TRIM16: variants seen among roughly 807,000 people sequenced by gnomAD.
The protein encoded by TRIM16 is tripartite motif-containing protein 16.
In TRIM16, 33 loss-of-function variants were observed where a neutral mutation model predicts 50.4. The ratio of observed to expected loss-of-function variants is 0.65; its 90% CI spans 0.50 to 0.88. The LOEUF (loss-of-function observed/expected upper bound fraction) is 0.88, where lower values mean the gene tolerates loss of function less well. Ranked by LOEUF, TRIM16 falls within the 40% of genes least tolerant of loss-of-function variation. TRIM16 has a pLI of 0.00. For missense variants in TRIM16, 581 were observed against 686.8 expected, an observed-to-expected ratio of 0.85 and a Z score of 1.72; for synonymous variants, 229 against 270.7, an observed-to-expected ratio of 0.85 and a Z score of 1.51.
Position 15,664,050 on chromosome 17 carries a change from A to G in TRIM16, c.-337-12104T>C, listed in dbSNP as rs150527503. ...TAACACTTGGTTCCGAGATCCATCT[A>G]TGAAAGCAAAACAGGTTCTAGGAGC... On this transcript the variant is annotated intron_variant, in intron 6 of 11. Coordinates refer to ENST00000649191, the MANE Select transcript of TRIM16 (RefSeq NM_001348119.1). Among the ~76,000 whole-genome samples the G allele has an allele frequency of 7.3e-4, 111 of 152,364 alleles. No individual in the cohort carries two copies. The South Asian group carries it at 8.7e-3, about 12-fold the overall frequency.
chr17:15,637,203 C>T (rs1293920723), intron 8 of TRIM16, among the ~76,000 whole-genome samples: 9 of 133,102 alleles, frequency 6.8e-5, no homozygotes, highest in Admixed American at 7.2e-5. Context: ...CCAGCCGTGC[C>T]GTCCGGGAGG....
Position 15,651,361 on chromosome 17 carries a change from GTCA to G in TRIM16, c.246_248del (p.Asp83del), listed in dbSNP as rs746827352. On this transcript the variant is annotated inframe_deletion, in exon 7 of 12. Transcript: ENST00000649191. ...ACTTCACTGCCTTCACTCTTCTGGT[GTCA>G]TCAAGGCAGAAGTCACACAGGACCT... The G allele has an allele frequency of 1.2e-6, 2 of 1,614,210 alleles. No individual in the cohort carries two copies. The highest frequency in any genetic ancestry group is 3.3e-5 in the Admixed American group (2 of 60,030).
chr17:15,663,535 A>G (rs1421256973), intron 6 of TRIM16, among the ~76,000 whole-genome samples: 1 of 152,194 alleles, frequency 6.6e-6, no homozygotes, highest in East Asian at 1.9e-4. Flanking sequence ...GCCGAGGATA[A>G]AGAAACAGAA....
intron 6 of TRIM16, among the ~76,000 whole-genome samples, chr17:15,658,443 G>C (rs1185683181): frequency 6.6e-6 from 1 of 152,120 alleles, no homozygotes; most frequent in Non-Finnish European, 1.5e-5. Flanking sequence ...GAGTCACACA[G>C]AGCTATGATT....
At chr17:15,660,412 T>C (rs4792645) in intron 6 of TRIM16, among the ~76,000 whole-genome samples, 17,267 of 152,138 alleles carry the variant, frequency 0.11, 1,729 homozygotes, top group African/African-American at 0.27. Flanking sequence ...GGACACTCAT[T>C]TGCTCAAATG....
Position 15,677,559 on chromosome 17 carries a change from A to T in TRIM16, c.-443+16T>A. On this transcript the variant is annotated intron_variant, in intron 5 of 11. Coordinates refer to ENST00000649191, the MANE Select transcript of TRIM16 (RefSeq NM_001348119.1). ...ATCCTGAAAGGTCAATCTGGGGTGG[A>T]AGGACCCAAGCTCACCCAAGGAGAC... 3 of 1,049,598 alleles carry T rather than the reference A, an allele frequency of 2.9e-6. No homozygotes were observed. The highest frequency in any genetic ancestry group is 3.5e-6 in the Non-Finnish European group (3 of 861,752). The allele number at this position is 1,049,598 out of a possible 1,614,324, so 65.0% of individuals were successfully genotyped here. A position where few individuals can be genotyped will look rare whatever the true frequency, so the allele number is the denominator to read the frequency against.
At chr17:15,648,234 AAAAAAAC>A (rs1261978885) in intron 7 of TRIM16, among the ~76,000 whole-genome samples, 33 of 149,698 alleles carry the variant, frequency 2.2e-4, no homozygotes, top group East Asian at 5.8e-4. Context: ...TCAAAAAAAA[AAAAAAAC>A]AAAAAACAAA....
intron 7 of TRIM16, among the ~76,000 whole-genome samples, chr17:15,648,960 C>T (rs1987549297): frequency 6.6e-6 from 1 of 152,160 alleles, no homozygotes; most frequent in East Asian, 1.9e-4. Context: ...TGCTTTTCAG[C>T]CCCAAACTGC....
intron 3 of TRIM16, 128 bp downstream of exon 3, chr17:15,682,726 C>G (rs1989232008): frequency 4.5e-6 from 4 of 891,348 alleles, no homozygotes; most frequent in Non-Finnish European, 4.4e-6. Flanking sequence ...TCCGACTTAT[C>G]CCCCCTTATC....
intron 6 of TRIM16, 124 bp from the exon 7 acceptor site, chr17:15,652,070 A>G: frequency 1.5e-6 from 1 of 688,954 alleles, no homozygotes; most frequent in Non-Finnish European, 1.8e-6. Flanking sequence ...CTTCAACACC[A>G]GGACAGCCAT....
chr17:15,682,914 A>T lies in TRIM16; in HGVS notation c.-739T>A, dbSNP rs948120628. 1 of 1,502,060 alleles carries T rather than the reference A, an allele frequency of 6.7e-7. No individual in the cohort carries two copies. Among genetic ancestry groups the T allele is most frequent in the African/African-American group, 1.4e-5 (1 of 71,398 alleles). 93.0% of individuals were successfully genotyped at this position (1,502,060 alleles called of 1,614,324 possible). A position where few individuals can be genotyped will look rare whatever the true frequency, so the allele number is the denominator to read the frequency against. ...AGATGAGGAAACTGTTAACTTGCCC[A>T]AGTTCTCTGTGCTGCCCACACACAT... is the stretch of plus-strand genomic sequence containing the variant. On this transcript the variant is annotated 5_prime_UTR_variant, in exon 3 of 12. It introduces an in-frame stop codon into an upstream open reading frame of the 5' UTR. Transcript: ENST00000649191.
chr17:15,635,404 T>C (rs912853704), intron 9 of TRIM16, among the ~76,000 whole-genome samples: 5 of 149,016 alleles, frequency 3.4e-5, no homozygotes, highest in East Asian at 2.0e-4. Context: ...TAATGATACA[T>C]TGTAATGAAA....
chr17:15,644,076 T>C (rs1486973119), intron 7 of TRIM16, among the ~76,000 whole-genome samples: 2 of 152,180 alleles, frequency 1.3e-5, no homozygotes, highest in East Asian at 3.9e-4. Context: ...GCAAGGGATG[T>C]GGGAGGGAAG....
At position 15,651,536 on chromosome 17, in the gene TRIM16, G is replaced by C; in HGVS notation, c.74C>G (p.Pro25Arg). ...ATCTGGGCTGGGTGACCCAGAGTCT[G>C]GGCTGAGAGGGGCTGGGGGCTGAGC... ...ATAQPPAPLS[P>R]DSGSPSPDSG... The change falls in exon 7 of 12, where the codon CCA (proline) becomes CGA (arginine). Residue 25 changes from proline (P) to arginine (R), a missense_variant. Physicochemically the swap from Pro to Arg is moderately radical, Grantham distance 103. Transcript: ENST00000649191. 6.2e-7 allele frequency: 1 copy of C among 1,613,960 alleles called. No individual in the cohort carries two copies. Among genetic ancestry groups the C allele is most frequent in the South Asian group, 1.1e-5 (1 of 91,044 alleles).
intron 6 of TRIM16, among the ~76,000 whole-genome samples, chr17:15,652,641 A>G (rs1050203216): frequency 4.0e-5 from 6 of 151,416 alleles, no homozygotes; most frequent in Non-Finnish European, 7.4e-5. Context: ...TTGTATTATT[A>G]GTAGAGACAG....
intron 6 of TRIM16, among the ~76,000 whole-genome samples, chr17:15,664,866 T>C (rs1988409084): frequency 6.6e-6 from 1 of 151,986 alleles, no homozygotes; most frequent in Non-Finnish European, 1.5e-5. Flanking sequence ...ACCCCGACTC[T>C]ACTAAAAATA....
chr17:15,651,418 C>A lies in TRIM16; in HGVS notation c.192G>T (p.Glu64Asp). The A allele has an allele frequency of 6.2e-7, 1 of 1,614,070 alleles. No individual in the cohort carries two copies. The highest frequency in any genetic ancestry group is 1.1e-5 in the South Asian group (1 of 91,066). Residue 64 changes from glutamate (E) to aspartate (D), a missense_variant, in exon 7 of 12, where the codon GAG becomes GAT. This residue lies in a region of TRIM16 where 450 missense variants were observed against 544.3 expected (regional missense o/e 0.83). Coordinates refer to ENST00000649191, the MANE Select transcript of TRIM16 (RefSeq NM_001348119.1). ...ETEEQDSDSA[E>D]QGDPAGEGKE... ...TCCCCTCACCAGCAGGATCCCCCTGCTCTGCAGAGTCGCTGTCCTGTTCCT... is the reference window on the plus strand; with the variant it reads ...TCCCCTCACCAGCAGGATCCCCCTGATCTGCAGAGTCGCTGTCCTGTTCCT...
rs1986216648 is a variant in TRIM16 at position 15,628,497 on chromosome 17, G to A, written c.*118C>T. The A allele has an allele frequency of 7.9e-6, 7 of 881,152 alleles. No homozygotes were observed. The Admixed American group carries it at 1.8e-4, about 22-fold the overall frequency. 54.6% of individuals were successfully genotyped at this position (881,152 alleles called of 1,614,324 possible). A position where few individuals can be genotyped will look rare whatever the true frequency, so the allele number is the denominator to read the frequency against. On this transcript the variant is annotated 3_prime_UTR_variant, in exon 12 of 12. Coordinates refer to ENST00000649191, the MANE Select transcript of TRIM16 (RefSeq NM_001348119.1). ...CAGCTGGAGAATGTTTTCATTCAGA[G>A]ACCCCATAGGATTTCAAAAGCCAGC...
intron 7 of TRIM16, among the ~76,000 whole-genome samples, chr17:15,648,525 C>T (rs1180643369): frequency 2.0e-5 from 3 of 152,202 alleles, no homozygotes; most frequent in African/African-American, 7.2e-5. Flanking sequence ...GTCTTCATGG[C>T]TGACCCTGCT....
Sources: gnomAD v4.1 joint callset for allele counts (sites outside exome capture counted in the v4.1 genomes callset) on GRCh38, gnomAD v4.1.1 for gene constraint, gnomAD v4.1.1 regional missense constraint, MANE v1.5 for transcripts, NCBI Gene and HGNC (gene_info 2026-07-23, HGNC 2026-07-21) for gene names.